The following GRID2 variants were observed in gnomAD, a reference collection of about 807,000 sequenced individuals.
GRID2 encodes glutamate receptor ionotropic, delta-2.
GRID2 carries 33 observed loss-of-function variants against 114.8 expected under a neutral mutation model. The ratio of observed to expected loss-of-function variants is 0.29; its 90% CI spans 0.22 to 0.38. The LOEUF is 0.38. GRID2 is among the 10% of genes least tolerant of loss of function. The pLI is 1.00. For missense variants in GRID2, 1,184 were observed against 1,257.7 expected (o/e 0.94, Z 0.89); for synonymous variants, 505 against 449.9 (o/e 1.12, Z -1.55).
intron 3 of GRID2, 149 bp from the exon 4 acceptor site, chr4:93,110,599 T>TTCA (rs1418585299): frequency 7.7e-6 from 5 of 650,584 alleles, no homozygotes; most frequent in African/African-American, 1.8e-5. Flanking sequence ...ACCTTAAACA[T>TTCA]ACTTGAGAGT....
chr4:93,092,367 A>G (rs1356770553), intron 3 of GRID2, among the ~76,000 whole-genome samples: 7 of 152,114 alleles, frequency 4.6e-5, no homozygotes, highest in Non-Finnish European at 7.4e-5. Flanking sequence ...AAGTATCTAC[A>G]ACACTTTCAG....
intron 1 of GRID2, among the ~76,000 whole-genome samples, chr4:92,475,114 TATA>T (rs71579560): frequency 0.014 from 1,840 of 132,650 alleles, 34 homozygotes; most frequent in African/African-American, 0.043. Flanking sequence ...AAACTTAAAG[TATA>T]ATAATAATAA....
chr4:92,449,319 C>G (rs1720765237), intron 1 of GRID2, among the ~76,000 whole-genome samples: 1 of 151,936 alleles, frequency 6.6e-6, no homozygotes, highest in South Asian at 2.1e-4. Flanking sequence ...AGGGAAACAT[C>G]CAGTACACAG....
At chr4:92,442,327 G>A (rs964554760) in intron 1 of GRID2, among the ~76,000 whole-genome samples, 3 of 152,016 alleles carry the variant, frequency 2.0e-5, no homozygotes, top group East Asian at 1.9e-4. Context: ...TGAACAGTCC[G>A]ATTTTCAGTG....
chr4:92,355,590 A>C (rs1728281799), intron 1 of GRID2, among the ~76,000 whole-genome samples: 1 of 151,874 alleles, frequency 6.6e-6, no homozygotes, highest in African/African-American at 2.4e-5. Context: ...ACGTTATGAC[A>C]TATAAGCCAA....
chr4:93,799,862 C>T (rs1734889875), intron 1 of GRID2, among the ~76,000 whole-genome samples: 1 of 152,100 alleles, frequency 6.6e-6, no homozygotes, highest in South Asian at 2.1e-4. Flanking sequence ...TGTCTGTTTT[C>T]CTTACTGAGT....
chr4:93,434,888 T>A (rs1720921008), intron 10 of GRID2, among the ~76,000 whole-genome samples: 1 of 152,150 alleles, frequency 6.6e-6, no homozygotes, highest in African/African-American at 2.4e-5. Flanking sequence ...TGTACTTCCT[T>A]ATACTCATTG....
At chr4:93,185,225 C>T (rs868583314) in intron 4 of GRID2, among the ~76,000 whole-genome samples, 4 of 152,118 alleles carry the variant, frequency 2.6e-5, no homozygotes, top group Admixed American at 1.3e-4. Context: ...TTCAATAGCA[C>T]CTCTGTTTTC....
intron 2 of GRID2, among the ~76,000 whole-genome samples, chr4:92,704,048 G>A (rs1734814572): frequency 6.6e-6 from 1 of 151,946 alleles, no homozygotes; most frequent in Non-Finnish European, 1.5e-5. Context: ...AGGCCAAGGC[G>A]GATAGATCAC....
intron 14 of GRID2, among the ~76,000 whole-genome samples, chr4:93,744,755 A>C (rs1270762826): frequency 6.6e-6 from 1 of 152,192 alleles, no homozygotes; most frequent in African/African-American, 2.4e-5. Context: ...ACTGTGGATA[A>C]AATGCTATCA....
At chr4:92,380,188 A>C (rs953490954) in intron 1 of GRID2, among the ~76,000 whole-genome samples, 5 of 151,776 alleles carry the variant, frequency 3.3e-5, no homozygotes, top group African/African-American at 1.2e-4. Context: ...TGTTTTAGAT[A>C]TGGTAGGTCC....
intron 9 of GRID2, among the ~76,000 whole-genome samples, chr4:93,413,417 T>C (rs1767400977): frequency 6.6e-6 from 1 of 152,220 alleles, no homozygotes; most frequent in African/African-American, 2.4e-5. Context: ...TGTCTGTTCA[T>C]ATCCTTTGCC....
chr4:93,756,520 G>A (rs954675794), intron 14 of GRID2, among the ~76,000 whole-genome samples: 1 of 152,146 alleles, frequency 6.6e-6, no homozygotes, highest in Admixed American at 6.6e-5. Flanking sequence ...TAGGGAAGCT[G>A]CCATCTTGCT....
At chr4:92,787,739 T>C (rs1340630426) in intron 2 of GRID2, among the ~76,000 whole-genome samples, 1 of 151,892 alleles carries the variant, frequency 6.6e-6, no homozygotes. Flanking sequence ...ATAGAACAAA[T>C]GAAGAAAGCA....
At chr4:93,419,423 A>T (rs1057375360) in intron 9 of GRID2, among the ~76,000 whole-genome samples, 1 of 152,012 alleles carries the variant, frequency 6.6e-6, no homozygotes, top group Non-Finnish European at 1.5e-5. Context: ...TTTCTATTAT[A>T]GTTCCCAAAG....
chr4:93,545,038 C>A (rs1476438803), intron 13 of GRID2, among the ~76,000 whole-genome samples: 1 of 152,102 alleles, frequency 6.6e-6, no homozygotes, highest in East Asian at 1.9e-4. Context: ...TTCTTTATAA[C>A]TCTACCATCC....
intron 1 of GRID2, among the ~76,000 whole-genome samples, chr4:92,520,822 T>C (rs930573268): frequency 2.6e-5 from 4 of 151,890 alleles, no homozygotes; most frequent in Non-Finnish European, 5.9e-5. Flanking sequence ...TCAATCAACA[T>C]AGAAGCATTC....
intron 4 of GRID2, among the ~76,000 whole-genome samples, chr4:93,137,982 T>TTTTTTTTTTTTTTC (rs1560918532): frequency 7.0e-6 from 1 of 141,892 alleles, no homozygotes; most frequent in African/African-American, 2.6e-5. Context: ...TTTTTTTTTT[T>TTTTTTTTTTTTTTC]TTTTTTTTGA....
At chr4:92,331,908 T>A (rs919788510) in intron 1 of GRID2, among the ~76,000 whole-genome samples, 2 of 152,198 alleles carry the variant, frequency 1.3e-5, no homozygotes, top group African/African-American at 4.8e-5. Flanking sequence ...CTGATTTCAC[T>A]GTGGATATCT....
Sources: gnomAD v4.1 joint callset for allele counts (sites outside exome capture counted in the v4.1 genomes callset) on GRCh38, gnomAD v4.1.1 for gene constraint, MANE v1.5 for transcripts, NCBI Gene and HGNC (gene_info 2026-07-23, HGNC 2026-07-21) for gene names.